Variants in CAPRIN1 observed in about 807,000 individuals in gnomAD.
CAPRIN1 encodes the protein cell cycle associated protein 1.
Under a neutral mutation model 100.9 loss-of-function variants are expected in CAPRIN1, and 29 were observed. That is an observed-to-expected ratio of 0.29 (90% CI 0.21 to 0.39). The LOEUF (loss-of-function observed/expected upper bound fraction) is 0.39. Among genes scored for constraint, CAPRIN1 ranks in the 10% least tolerant of loss-of-function variants. The probability of loss-of-function intolerance (pLI) is 1.00; values close to 1 mark genes in which losing one functional copy is unlikely to be tolerated. For missense variants in CAPRIN1, 795 were observed against 876.7 expected, an observed-to-expected ratio of 0.91 and a Z score of 1.18; for synonymous variants, 338 against 307.5, an observed-to-expected ratio of 1.10 and a Z score of -1.04.
chr11:34,058,653 T>C (rs534247452), intron 2 of CAPRIN1, among the ~76,000 whole-genome samples: 18 of 152,362 alleles, frequency 1.2e-4, no homozygotes, highest in Non-Finnish European at 2.2e-4. Context: ...GTGTTTGCAT[T>C]GTCCGGGTAA....
intron 15 of CAPRIN1, among the ~76,000 whole-genome samples, chr11:34,094,645 A>G (rs1851332641): frequency 6.6e-6 from 1 of 152,122 alleles, no homozygotes; most frequent in African/African-American, 2.4e-5. Flanking sequence ...ATAAATACAG[A>G]AATTAGCAGG....
Position 34,076,439 on chromosome 11 carries a change from T to C in CAPRIN1, c.570T>C (p.Tyr190=). ...EEELSLLDEF[Y]KLVDPERDMS... is the part of the protein sequence containing the mutation. ...AGTTGTCATTGTTGGATGAATTCTATAAGCTAGTAGACCCTGAACGGGACA... is the reference window on the plus strand; with the variant it reads ...AGTTGTCATTGTTGGATGAATTCTACAAGCTAGTAGACCCTGAACGGGACA... The change falls in exon 5 of 19, where the codon TAT becomes TAC. Residue 190 remains tyrosine (Y), a synonymous_variant. Coordinates refer to ENST00000341394, the MANE Select transcript of CAPRIN1 (RefSeq NM_005898.5). The C allele has an allele frequency of 1.9e-6, 3 of 1,614,174 alleles. No individual in the cohort carries two copies. The highest frequency in any genetic ancestry group is 1.6e-4 in the Middle Eastern group (1 of 6,062).
At chr11:34,092,129 G>T in intron 15 of CAPRIN1, 73 bp downstream of exon 15, 1 of 1,455,380 alleles carries the variant, frequency 6.9e-7, no homozygotes, top group South Asian at 1.3e-5. Context: ...GGACAGTTTA[G>T]ACTTCAGAGT....
intron 2 of CAPRIN1, among the ~76,000 whole-genome samples, chr11:34,054,978 G>A (rs1379587921): frequency 6.6e-6 from 1 of 152,028 alleles, no homozygotes; most frequent in Non-Finnish European, 1.5e-5. Context: ...CTGATTGGCA[G>A]CCAATTTAGT....
chr11:34,067,626 A>G (rs1195404423), intron 2 of CAPRIN1, among the ~76,000 whole-genome samples: 1 of 151,992 alleles, frequency 6.6e-6, no homozygotes, highest in Non-Finnish European at 1.5e-5. Context: ...AGTAGCTAGG[A>G]CCATAGGCAC....
chr11:34,059,879 CTTTTTTTTTTT>C (rs570241213), intron 2 of CAPRIN1, among the ~76,000 whole-genome samples: 30 of 109,820 alleles, frequency 2.7e-4, no homozygotes, highest in African/African-American at 9.7e-4. Context: ...TAGAAGAATA[CTTTTTTTTTTT>C]TTTTTTTTTT....
intron 4 of CAPRIN1, among the ~76,000 whole-genome samples, chr11:34,072,327 A>C (rs1236855056): frequency 5.9e-5 from 9 of 152,082 alleles, no homozygotes; most frequent in South Asian, 2.1e-4. Flanking sequence ...AAAAAAAAAA[A>C]AAAACATTAA....
intron 9 of CAPRIN1, among the ~76,000 whole-genome samples, chr11:34,084,993 G>A (rs919429764): frequency 2.0e-5 from 3 of 151,902 alleles, no homozygotes; most frequent in African/African-American, 4.8e-5. Context: ...GAGATTCCAC[G>A]AATTTTTGGA....
At chr11:34,061,146 T>C (rs1346141336) in intron 2 of CAPRIN1, among the ~76,000 whole-genome samples, 1 of 151,760 alleles carries the variant, frequency 6.6e-6, no homozygotes, top group Non-Finnish European at 1.5e-5. Flanking sequence ...ACTAAACTCC[T>C]GGATACTTAA....
chr11:34,065,264 G>A (rs964064966), intron 2 of CAPRIN1, among the ~76,000 whole-genome samples: 1 of 152,020 alleles, frequency 6.6e-6, no homozygotes, highest in Admixed American at 6.6e-5. Flanking sequence ...ACCCGGCCCC[G>A]TATAATGGTT....
intron 18 of CAPRIN1, 43 bp from the exon 19 acceptor site, chr11:34,099,260 A>T: frequency 6.2e-7 from 1 of 1,607,148 alleles, no homozygotes; most frequent in Non-Finnish European, 8.5e-7. Context: ...GGCAAAACAA[A>T]TAATATTTGA....
At chr11:34,079,984 C>G (rs956386191) in intron 7 of CAPRIN1, among the ~76,000 whole-genome samples, 3 of 142,306 alleles carry the variant, frequency 2.1e-5, no homozygotes, top group African/African-American at 8.0e-5. Flanking sequence ...AGTGCAGTGG[C>G]GTGATCTCGG....
intron 2 of CAPRIN1, 147 bp downstream of exon 2, chr11:34,052,783 T>C: frequency 3.6e-6 from 5 of 1,408,434 alleles, no homozygotes; most frequent in Non-Finnish European, 4.7e-6. Context: ...ACGCCCCGTC[T>C]CCACGTTCAG....
chr11:34,092,073 C>T lies in CAPRIN1; in HGVS notation c.1705+17C>T, dbSNP rs780780667. On this transcript the variant is annotated intron_variant, in intron 15 of 18. Coordinates refer to ENST00000341394, the MANE Select transcript of CAPRIN1 (RefSeq NM_005898.5). ...TTCAAACAGGTACGAAATCCAGTGTCACCTCATTGGCTCCTTGCTTTCCAG... is the reference window on the plus strand; with the variant it reads ...TTCAAACAGGTACGAAATCCAGTGTTACCTCATTGGCTCCTTGCTTTCCAG... The T allele has an allele frequency of 6.2e-6, 10 of 1,611,402 alleles. No homozygotes were observed. Among genetic ancestry groups the T allele is most frequent in the Non-Finnish European group, 8.5e-6 (10 of 1,178,790 alleles).
In CAPRIN1 at chr11:34,086,114, A is replaced by G. The variant is rs370502113; in HGVS notation, c.1017A>G (p.Pro339=). 25 of 1,613,972 alleles carry G rather than the reference A, an allele frequency of 1.5e-5. No individual in the cohort carries two copies. The highest frequency in any genetic ancestry group is 2.2e-5 in the East Asian group (1 of 44,898). The change falls in exon 10 of 19, where the codon CCA becomes CCG. Residue 339 remains proline, a synonymous_variant. Transcript: ENST00000341394. ...CTCAGGCTGCATCCCCTTCAGTACC[A>G]GAGCCCCACTCTTTGACTCCAGTGG... ...QQPQAASPSV[P]EPHSLTPVAQ...
At position 34,083,038 on chromosome 11, in the gene CAPRIN1, T is replaced by A; in HGVS notation, c.963T>A (p.Val321=). 6.2e-7 allele frequency: 1 copy of A among 1,610,792 alleles called. No homozygotes were observed. The highest frequency in any genetic ancestry group is 8.5e-7 in the Non-Finnish European group (1 of 1,177,024). ...EQVDEWTVET[V]EVVNSLQQQP... ...TAGATGAGTGGACAGTTGAAACGGT[T>A]GAGGTAAGAGTTCTCTGTATTGCAA... The change falls in exon 9 of 19, where the codon GTT becomes GTA. Residue 321 remains valine, a synonymous_variant. Transcript: ENST00000341394.
At chr11:34,057,639 T>C (rs1850479774) in intron 2 of CAPRIN1, among the ~76,000 whole-genome samples, 1 of 152,202 alleles carries the variant, frequency 6.6e-6, no homozygotes, top group Admixed American at 6.5e-5. Flanking sequence ...TTGCAATACT[T>C]TTGCAAAAGG....
chr11:34,053,275 CTT>C (rs1244462124), intron 2 of CAPRIN1: 7 of 429,626 alleles, frequency 1.6e-5, no homozygotes, highest in East Asian at 1.6e-4. Context: ...GCGTTTCCCT[CTT>C]TGTTTCAATT....
At chr11:34,088,874 C>T (rs570449782) in intron 11 of CAPRIN1, among the ~76,000 whole-genome samples, 136 of 152,224 alleles carry the variant, frequency 8.9e-4, no homozygotes, top group African/African-American at 2.7e-3. Context: ...TAACCACTGC[C>T]GGTAAACCAA....
Sources: allele counts gnomAD v4.1 joint callset (sites outside exome capture counted in the v4.1 genomes callset), GRCh38; gene constraint gnomAD v4.1.1; transcripts MANE v1.5; gene names NCBI Gene and HGNC (gene_info 2026-07-23, HGNC 2026-07-21).